ALPK1: variants seen among roughly 807,000 people sequenced by gnomAD.
ALPK1 encodes the protein alpha kinase 1.
A neutral mutation model predicts 120.6 loss-of-function variants in ALPK1; 110 were observed. The ratio of observed to expected loss-of-function variants is 0.91; its 90% CI spans 0.78 to 1.07. ALPK1 has a LOEUF of 1.07. Ranked by LOEUF, ALPK1 falls within the 50% of genes least tolerant of loss-of-function variation. The probability of loss-of-function intolerance (pLI) is 0.00; values close to 1 mark genes in which losing one functional copy is unlikely to be tolerated. For synonymous variants in ALPK1, 582 were observed against 560.3 expected, an observed-to-expected ratio of 1.04 and a Z score of -0.55; for missense variants, 1,498 against 1,483.9, an observed-to-expected ratio of 1.01 and a Z score of -0.16.
At chr4:112,396,736 CT>C (rs1258072205) in intron 4 of ALPK1, among the ~76,000 whole-genome samples, 2 of 152,012 alleles carry the variant, frequency 1.3e-5, no homozygotes, top group Admixed American at 6.6e-5. Flanking sequence ...ACATGTACTC[CT>C]CTGTAATCTT....
intron 8 of ALPK1, among the ~76,000 whole-genome samples, chr4:112,426,969 G>A (rs889115561): frequency 3.3e-5 from 5 of 151,540 alleles, no homozygotes; most frequent in Non-Finnish European, 5.9e-5. Flanking sequence ...AAGGTCATCT[G>A]CCTTCCTACT....
Position 112,347,204 on chromosome 4 carries a change from C to CAA in ALPK1, c.-100-30474_-100-30473insAA, listed in dbSNP as rs1238799481. On this transcript the variant is annotated intron_variant, in intron 2 of 15. Coordinates refer to ENST00000650871, the MANE Select transcript of ALPK1 (RefSeq NM_025144.4). ...CAACATTCTGTTAAACTAATGATTT[C>CAA]TGCTTGTCAGTATGATGATCAGTTT... 7.7e-3 allele frequency among the ~76,000 whole-genome samples: 1,177 copies of CAA among 152,250 alleles called. 18 individuals are homozygous for CAA. The highest frequency in any genetic ancestry group is 0.027 in the African/African-American group (1,117 of 41,572).
At chr4:112,339,639 G>C (rs1357741992) in intron 2 of ALPK1, among the ~76,000 whole-genome samples, 1 of 152,092 alleles carries the variant, frequency 6.6e-6, no homozygotes, top group Non-Finnish European at 1.5e-5. Flanking sequence ...CTGCAATGTT[G>C]TATAATTTTT....
At position 112,431,376 on chromosome 4, in the gene ALPK1, A is replaced by G; in HGVS notation, c.1829A>G (p.Glu610Gly). 3 of 1,614,204 alleles carry G rather than the reference A, an allele frequency of 1.9e-6. No homozygotes were observed. Among genetic ancestry groups the G allele is most frequent in the Non-Finnish European group, 1.7e-6 (2 of 1,180,040 alleles). The change falls in exon 11 of 16, where the codon GAG (glutamate) becomes GGG (glycine). Residue 610 changes from glutamate (E) to glycine (G), a missense_variant. Coordinates refer to ENST00000650871, the MANE Select transcript of ALPK1 (RefSeq NM_025144.4). ...YHVDDRSARK[E>G]PGKEHLVDTQ... ...GTTGACGACAGGTCAGCCAGAAAAG[A>G]GCCTGGCAAAGAACATCTGGTGGAC... is the stretch of plus-strand genomic sequence containing the variant.
intron 4 of ALPK1, among the ~76,000 whole-genome samples, chr4:112,397,912 A>T (rs1437396315): frequency 6.6e-6 from 1 of 152,170 alleles, no homozygotes; most frequent in Non-Finnish European, 1.5e-5. Flanking sequence ...CTGATAAAAC[A>T]TTACTGTTGA....
Position 112,431,318 on chromosome 4 carries a change from T to A in ALPK1, c.1771T>A (p.Ser591Thr), listed in dbSNP as rs1444376629. ...TTGGAGCAACTTATCAGGGTTTAGT[T>A]CCTCTGCAAGCTGGGAGGAAGTGAA... is the stretch of plus-strand genomic sequence containing the variant. ...SAWSNLSGFS[S>T]SASWEEVNYH... The change falls in exon 11 of 16, where the codon TCC becomes ACC. Residue 591 changes from serine (S) to threonine (T), a missense_variant. Ser to Thr is a moderately conservative substitution (Grantham distance 58). Coordinates refer to ENST00000650871, the MANE Select transcript of ALPK1 (RefSeq NM_025144.4). The A allele has an allele frequency of 8.1e-6, 13 of 1,614,064 alleles. No homozygotes were observed. Among genetic ancestry groups the A allele is most frequent in the Non-Finnish European group, 1.1e-5 (13 of 1,180,040 alleles).
At chr4:112,410,794 C>T (rs1202294590) in intron 4 of ALPK1, 1 of 152,324 alleles carries the variant, frequency 6.6e-6, no homozygotes, top group Non-Finnish European at 1.5e-5. Context: ...TTATGTTACA[C>T]TTTCATTTCA....
chr4:112,360,679 T>C (rs1365717105), intron 2 of ALPK1, among the ~76,000 whole-genome samples: 1 of 152,232 alleles, frequency 6.6e-6, no homozygotes, highest in Non-Finnish European at 1.5e-5. Flanking sequence ...CTCTCTAAAG[T>C]ACATACTTTA....
intron 1 of ALPK1, among the ~76,000 whole-genome samples, chr4:112,308,627 G>A (rs903673052): frequency 6.6e-6 from 1 of 151,916 alleles, no homozygotes; most frequent in Non-Finnish European, 1.5e-5. Flanking sequence ...CTCTACACTG[G>A]TTATTCTAGT....
At chr4:112,391,293 G>A (rs1165209153) in intron 4 of ALPK1, among the ~76,000 whole-genome samples, 2 of 152,194 alleles carry the variant, frequency 1.3e-5, no homozygotes, top group Non-Finnish European at 2.9e-5. Flanking sequence ...CCCTCAACCT[G>A]AGAAGGGCAA....
At chr4:112,364,550 T>A (rs981782386) in intron 2 of ALPK1, among the ~76,000 whole-genome samples, 1 of 151,730 alleles carries the variant, frequency 6.6e-6, no homozygotes, top group African/African-American at 2.4e-5. Flanking sequence ...TAACAAGCAG[T>A]GAGATTGAAA....
intron 4 of ALPK1, among the ~76,000 whole-genome samples, chr4:112,408,023 C>T (rs965326100): frequency 6.6e-6 from 1 of 151,954 alleles, no homozygotes; most frequent in African/African-American, 2.4e-5. Context: ...AGGAGAATTG[C>T]TTGAATCCGA....
At chr4:112,420,296 GC>G (rs1319221747) in intron 5 of ALPK1, among the ~76,000 whole-genome samples, 4 of 152,208 alleles carry the variant, frequency 2.6e-5, no homozygotes, top group Non-Finnish European at 5.9e-5. Context: ...GTGATCATTT[GC>G]TTTGCAACAA....
chr4:112,416,996 G>A (rs539033504), intron 5 of ALPK1, among the ~76,000 whole-genome samples: 54 of 152,054 alleles, frequency 3.6e-4, no homozygotes, highest in Middle Eastern at 3.4e-3. Flanking sequence ...ATTAATATAG[G>A]AAGTATATTT....
At position 112,435,370 on chromosome 4, in the gene ALPK1, C is replaced by T. The variant is rs1734746136; in HGVS notation, c.3188+69C>T. 2.3e-5 allele frequency: 33 copies of T among 1,448,142 alleles called. No individual in the cohort carries two copies. The South Asian group carries it at 2.6e-4, about 11-fold the overall frequency. The allele number at this position is 1,448,142 out of a possible 1,614,324, so 89.7% of individuals were successfully genotyped here. On this transcript the variant is annotated intron_variant, in intron 12 of 15. Coordinates refer to ENST00000650871, the MANE Select transcript of ALPK1 (RefSeq NM_025144.4). ...ACCTTGCTCTTCTGTTAAGTAATCA[C>T]TCATGAGACTTCGTAGGGGCTGAAA...
In ALPK1 at chr4:112,426,558, G is replaced by A. The variant is rs781030903; in HGVS notation, c.699+15G>A. 1 of 1,523,662 alleles carries A rather than the reference G, an allele frequency of 6.6e-7. No individual in the cohort carries two copies. The allele number at this position is 1,523,662 out of a possible 1,614,324, so 94.4% of individuals were successfully genotyped here. ...CGGATAAAAAGGTGGTTTGTCTAGT[G>A]CTTCTTTTTCTCCTTTCCTGTATTT... On this transcript the variant is annotated intron_variant, in intron 8 of 15. Coordinates refer to ENST00000650871, the MANE Select transcript of ALPK1 (RefSeq NM_025144.4).
At chr4:112,358,416 T>C in intron 2 of ALPK1, 1 of 639,276 alleles carries the variant, frequency 1.6e-6, no homozygotes, top group Non-Finnish European at 2.8e-6. Flanking sequence ...GCTGTCAGGG[T>C]GACTAAGTCA....
At chr4:112,362,613 T>C (rs908592086) in intron 2 of ALPK1, among the ~76,000 whole-genome samples, 7 of 152,078 alleles carry the variant, frequency 4.6e-5, no homozygotes, top group African/African-American at 1.4e-4. Context: ...CTACAAATAA[T>C]TGGTATTCTC....
chr4:112,341,443 A>G (rs1006055772), intron 2 of ALPK1, among the ~76,000 whole-genome samples: 1 of 152,128 alleles, frequency 6.6e-6, no homozygotes, highest in Non-Finnish European at 1.5e-5. Context: ...CTTCCATTTT[A>G]TTTGACAACA....
Sources: gnomAD v4.1 joint callset for allele counts (sites outside exome capture counted in the v4.1 genomes callset) on GRCh38, gnomAD v4.1.1 for gene constraint, MANE v1.5 for transcripts, NCBI Gene and HGNC (gene_info 2026-07-23, HGNC 2026-07-21) for gene names.